Variants in AP3S1 observed in about 807,000 individuals in gnomAD.
AP3S1 encodes adaptor related protein complex 3 subunit sigma 1.
AP3S1 carries 12 observed loss-of-function variants against 21.3 expected under a neutral mutation model. The ratio of observed to expected loss-of-function variants is 0.56; its 90% CI spans 0.36 to 0.91. AP3S1 has a LOEUF of 0.91. Among genes scored for constraint, AP3S1 ranks in the 40% least tolerant of loss-of-function variants. AP3S1 has a pLI of 0.01. For synonymous variants in AP3S1, 48 were observed against 78.4 expected (o/e 0.61, Z 2.05); for missense variants, 116 against 225.0 (o/e 0.52, Z 3.10).
chr5:115,888,320 C>T (rs1749974712), intron 3 of AP3S1, among the ~76,000 whole-genome samples: 1 of 151,880 alleles, frequency 6.6e-6, no homozygotes, highest in Admixed American at 6.6e-5. Flanking sequence ...TGGTTAGAAC[C>T]ATCGAGACTC....
chr5:115,873,487 G>A (rs912374677), intron 3 of AP3S1, among the ~76,000 whole-genome samples: 1 of 152,086 alleles, frequency 6.6e-6, no homozygotes, highest in Non-Finnish European at 1.5e-5. Flanking sequence ...TCACAAAAAA[G>A]AAGATTTCTG....
At chr5:115,891,785 AAC>A (rs1313133666) in intron 3 of AP3S1, among the ~76,000 whole-genome samples, 4 of 152,296 alleles carry the variant, frequency 2.6e-5, no homozygotes, top group South Asian at 4.1e-4. Flanking sequence ...ACAGACGCTC[AAC>A]ACCAGCCTGT....
intron 1 of AP3S1, among the ~76,000 whole-genome samples, chr5:115,846,071 G>T (rs895374397): frequency 1.3e-5 from 2 of 151,980 alleles, no homozygotes; most frequent in African/African-American, 4.8e-5. Context: ...TAACTAATGA[G>T]ACTTATATTT....
chr5:115,858,760 CTTT>C (rs901817093), intron 1 of AP3S1, among the ~76,000 whole-genome samples: 17 of 150,702 alleles, frequency 1.1e-4, no homozygotes, highest in African/African-American at 3.9e-4. Context: ...CCATGAGCTT[CTTT>C]ATTTCTGAAT....
intron 4 of AP3S1, among the ~76,000 whole-genome samples, chr5:115,896,036 ATTCT>A (rs1750730421): frequency 6.6e-6 from 1 of 152,138 alleles, no homozygotes; most frequent in South Asian, 2.1e-4. Flanking sequence ...AATCTAAGAG[ATTCT>A]TTATGAGTGA....
chr5:115,854,950 C>A (rs1016537917), intron 1 of AP3S1, among the ~76,000 whole-genome samples: 3 of 151,900 alleles, frequency 2.0e-5, no homozygotes. Context: ...TCGCCCTCTA[C>A]CTTTTATTAT....
intron 3 of AP3S1, among the ~76,000 whole-genome samples, chr5:115,878,057 T>C (rs1315994291): frequency 1.3e-5 from 2 of 152,352 alleles, no homozygotes; most frequent in East Asian, 3.9e-4. Flanking sequence ...GTTTGCTTTT[T>C]CCTTGTAAAT....
chr5:115,841,954 A>T lies in AP3S1; in HGVS notation c.-84A>T, dbSNP rs952773074. The T allele has an allele frequency of 1.3e-6, 2 of 1,528,778 alleles. No homozygotes were observed. Among genetic ancestry groups the T allele is most frequent in the Non-Finnish European group, 1.8e-6 (2 of 1,136,520 alleles). The allele number at this position is 1,528,778 out of a possible 1,614,324, so 94.7% of individuals were successfully genotyped here. A position where few individuals can be genotyped will look rare whatever the true frequency, so the allele number is the denominator to read the frequency against. On this transcript the variant is annotated 5_prime_UTR_variant, in exon 1 of 6. Transcript: ENST00000316788. The stretch of plus-strand genomic sequence containing the variant: ...TGCGGGAGGGGGCGGGTGGGGAAGG[A>T]TCGCAGGCGAGATTACGAGGCGAGG...
intron 1 of AP3S1, among the ~76,000 whole-genome samples, chr5:115,848,776 T>C (rs1169186774): frequency 6.6e-6 from 1 of 152,234 alleles, no homozygotes; most frequent in African/African-American, 2.4e-5. Flanking sequence ...CACATTAGGC[T>C]AACTAAACAC....
At chr5:115,863,377 C>T (rs1763347308) in intron 1 of AP3S1, among the ~76,000 whole-genome samples, 1 of 149,660 alleles carries the variant, frequency 6.7e-6, no homozygotes, top group African/African-American at 2.5e-5. Context: ...GCCTGGGCAA[C>T]AGAGCAAAAA....
At chr5:115,871,213 AG>A (rs1180734615) in intron 3 of AP3S1, among the ~76,000 whole-genome samples, 2 of 152,224 alleles carry the variant, frequency 1.3e-5, no homozygotes, top group African/African-American at 4.8e-5. Context: ...CCCAGAACAA[AG>A]ACAGTCAATG....
chr5:115,871,152 ACTGT>A (rs1267889551), intron 3 of AP3S1, among the ~76,000 whole-genome samples: 4 of 152,218 alleles, frequency 2.6e-5, no homozygotes, highest in African/African-American at 9.6e-5. Flanking sequence ...GGAAGAAGAC[ACTGT>A]CTATTTTCCA....
chr5:115,885,641 T>G (rs1240463508), intron 3 of AP3S1, among the ~76,000 whole-genome samples: 1 of 152,206 alleles, frequency 6.6e-6, no homozygotes, highest in Non-Finnish European at 1.5e-5. Flanking sequence ...CTGACTCAAA[T>G]GTCAATCTCC....
At chr5:115,885,732 ATAT>A (rs1162091929) in intron 3 of AP3S1, among the ~76,000 whole-genome samples, 2 of 152,192 alleles carry the variant, frequency 1.3e-5, no homozygotes, top group African/African-American at 2.4e-5. Context: ...TTAACAGCTA[ATAT>A]TAACCATCAC....
chr5:115,842,260 G>T (rs533996523), intron 1 of AP3S1, among the ~76,000 whole-genome samples, 154 bp downstream of exon 1: 1 of 152,236 alleles, frequency 6.6e-6, no homozygotes, highest in East Asian at 1.9e-4. Context: ...CCTCCTGGTG[G>T]GTGTGGACAG....
At chr5:115,895,050 T>C (rs1750633740) in intron 3 of AP3S1, 37 bp from the exon 4 acceptor site, 2 of 1,416,140 alleles carry the variant, frequency 1.4e-6, no homozygotes, top group Non-Finnish European at 2.0e-6. Flanking sequence ...TTGAATAAAT[T>C]TAAACAGTTC....
chr5:115,854,311 A>G (rs1266197535), intron 1 of AP3S1, among the ~76,000 whole-genome samples: 1 of 152,230 alleles, frequency 6.6e-6, no homozygotes, highest in Non-Finnish European at 1.5e-5. Context: ...GGCGTTAATT[A>G]TACCTGCCAT....
chr5:115,887,198 T>C (rs1426816837), intron 3 of AP3S1, among the ~76,000 whole-genome samples: 1 of 152,224 alleles, frequency 6.6e-6, no homozygotes, highest in Non-Finnish European at 1.5e-5. Context: ...TTTGTAATGG[T>C]ATTTTTTAGT....
chr5:115,905,134 C>A (rs759124856), intron 5 of AP3S1, among the ~76,000 whole-genome samples: 1 of 152,124 alleles, frequency 6.6e-6, no homozygotes, highest in Non-Finnish European at 1.5e-5. Flanking sequence ...AAGTTTGCAA[C>A]CTCCGGCATA....
Sources: gnomAD v4.1 joint callset for allele counts (sites outside exome capture counted in the v4.1 genomes callset) on GRCh38, gnomAD v4.1.1 for gene constraint, MANE v1.5 for transcripts, NCBI Gene and HGNC (gene_info 2026-07-23, HGNC 2026-07-21) for gene names.